Variants in BCO1 observed in about 807,000 individuals in gnomAD.
BCO1 encodes the protein beta,beta-carotene 15,15'-dioxygenase.
BCO1 carries 54 observed loss-of-function variants against 56.3 expected under a neutral mutation model. The observed-to-expected ratio is 0.96, with a 90% CI of 0.77 to 1.20. The LOEUF is 1.20. Among genes scored for constraint, BCO1 ranks in the 50% most tolerant of loss-of-function variants. The pLI is 0.00. For synonymous variants in BCO1, 318 were observed against 266.1 expected (o/e 1.20, Z -1.90); for missense variants, 801 against 690.9 (o/e 1.16, Z -1.79).
chr16:81,270,857 G>A (rs1907164935), intron 7 of BCO1, among the ~76,000 whole-genome samples: 1 of 151,828 alleles, frequency 6.6e-6, no homozygotes, highest in South Asian at 2.1e-4. Flanking sequence ...CCATTCTCCT[G>A]CCTCAGCCTC....
At chr16:81,275,251 C>T (rs1907482387) in intron 7 of BCO1, among the ~76,000 whole-genome samples, 1 of 152,224 alleles carries the variant, frequency 6.6e-6, no homozygotes, top group Non-Finnish European at 1.5e-5. Flanking sequence ...ACCCTGTCCT[C>T]CTGGGCTGAC....
intron 6 of BCO1, 57 bp from the exon 7 acceptor site, chr16:81,270,102 C>T (rs1907089653): frequency 6.2e-7 from 1 of 1,609,320 alleles, no homozygotes; most frequent in South Asian, 1.1e-5. Flanking sequence ...CCCCCAGATG[C>T]CACAGTGCCA....
intron 7 of BCO1, among the ~76,000 whole-genome samples, chr16:81,279,837 T>C (rs1371875219): frequency 6.6e-6 from 1 of 152,190 alleles, no homozygotes; most frequent in Non-Finnish European, 1.5e-5. Flanking sequence ...CACCAAATAA[T>C]TTTTATTGCA....
In BCO1 at chr16:81,255,493, A is replaced by AT. The variant is rs59941695; in HGVS notation, c.194-4174dup. On this transcript the variant is annotated intron_variant, in intron 2 of 10. Coordinates refer to ENST00000258168, the MANE Select transcript of BCO1 (RefSeq NM_017429.3). ...ATTAATTAACAAATGACATTATGTTATTTTTTTTTATTTTTTATTTTTTTG... is the reference window on the plus strand; with the variant it reads ...ATTAATTAACAAATGACATTATGTTATTTTTTTTTTATTTTTTATTTTTTTG... Among the ~76,000 whole-genome samples the AT allele has an allele frequency of 7.3e-4, 110 of 151,116 alleles. No individual in the cohort carries two copies. In the Middle Eastern group the frequency reaches 0.01, roughly 14 times the overall value.
At chr16:81,262,922 C>G (rs993493472) in intron 4 of BCO1, 7 of 155,852 alleles carry the variant, frequency 4.5e-5, no homozygotes, top group Non-Finnish European at 9.9e-5. Flanking sequence ...AAGTCTGAAA[C>G]CAAGGTGTCA....
intron 3 of BCO1, among the ~76,000 whole-genome samples, chr16:81,260,638 A>C (rs900065847): frequency 1.3e-5 from 2 of 152,080 alleles, no homozygotes; most frequent in Non-Finnish European, 1.5e-5. Context: ...CCTCCCAAGT[A>C]GCTGGGATTA....
Position 81,290,452 on chromosome 16 carries a change from G to A in BCO1, c.1519G>A (p.Val507Ile), listed in dbSNP as rs1567469166. The change falls in exon 11 of 11, where the codon GTC (valine) becomes ATC (isoleucine). Residue 507 changes from valine to isoleucine, a missense_variant. Val to Ile is a conservative substitution (Grantham distance 29, BLOSUM62 3). Coordinates refer to ENST00000258168, the MANE Select transcript of BCO1 (RefSeq NM_017429.3). The part of the protein sequence containing the change: ...FTELARASVD[V>I]DMHMDLHGLF... ...GGAATTGGCCCGTGCCTCTGTTGAT[G>A]TCGATATGCACATGGATCTCCATGG... The A allele has an allele frequency of 6.2e-7, 1 of 1,614,176 alleles. No homozygotes were observed. Among genetic ancestry groups the A allele is most frequent in the East Asian group, 2.2e-5 (1 of 44,882 alleles).
intron 1 of BCO1, among the ~76,000 whole-genome samples, chr16:81,239,552 C>G (rs985062543): frequency 6.6e-6 from 1 of 152,156 alleles, no homozygotes; most frequent in Non-Finnish European, 1.5e-5. Flanking sequence ...TGGGATTAAT[C>G]TGCAAACTGC....
chr16:81,270,399 C>A lies in BCO1; in HGVS notation c.1084C>A (p.Pro362Thr). The A allele has an allele frequency of 1.9e-6, 3 of 1,614,040 alleles. No homozygotes were observed. The highest frequency in any genetic ancestry group is 2.5e-6 in the Non-Finnish European group (3 of 1,180,000). The change falls in exon 7 of 11, where the codon CCC becomes ACC. Residue 362 changes from proline (P) to threonine (T), a missense_variant. Physicochemically the swap from Pro to Thr is conservative, Grantham distance 38 (BLOSUM62 -1). Transcript: ENST00000258168. ...CCCCACCCTCAGGAGGTTTGCCGTG[C>A]CCCTCCACGTGGACAAGGTAATGGC... Reference protein sequence around the residue: ...SVPTLRRFAVPLHVDKNAEVG... With the variant: ...SVPTLRRFAVTLHVDKNAEVG...
At chr16:81,245,849 CTT>C (rs1176582576) in intron 2 of BCO1, among the ~76,000 whole-genome samples, 5 of 93,392 alleles carry the variant, frequency 5.4e-5, no homozygotes, top group South Asian at 4.8e-4. Context: ...CCATCTCTGT[CTT>C]TTTTTTTTTT....
intron 7 of BCO1, among the ~76,000 whole-genome samples, chr16:81,280,360 A>G (rs1907810236): frequency 7.1e-6 from 1 of 140,304 alleles, no homozygotes; most frequent in South Asian, 2.3e-4. Flanking sequence ...CATTTAGTAT[A>G]TTTCTCTGTC....
At chr16:81,249,963 A>G (rs1209038408) in intron 2 of BCO1, among the ~76,000 whole-genome samples, 6 of 152,138 alleles carry the variant, frequency 3.9e-5, no homozygotes, top group Admixed American at 6.5e-5. Context: ...GAAACTGTAT[A>G]TGGAGCTGAG....
At chr16:81,271,811 G>A (rs1907234527) in intron 7 of BCO1, among the ~76,000 whole-genome samples, 1 of 152,062 alleles carries the variant, frequency 6.6e-6, no homozygotes, top group African/African-American at 2.4e-5. Flanking sequence ...GTGCAGTGGT[G>A]TAATCTCGGC....
rs574951432 is a variant in BCO1, at chr16:81,274,500, G to A, written c.1101+4084G>A. Among the ~76,000 whole-genome samples the A allele has an allele frequency of 1.1e-3, 162 of 152,194 alleles. 1 individual carries two copies. The highest frequency in any genetic ancestry group is 3.8e-3 in the African/African-American group (157 of 41,580). The stretch of plus-strand genomic sequence containing the variant: ...AGGATGGTCTCGATCTTCTGACCTC[G>A]TGATCCGCCTGCCTCAGCCTTCCAA... On this transcript the variant is annotated intron_variant, in intron 7 of 10. Transcript: ENST00000258168.
chr16:81,258,670 T>G (rs764419611), intron 2 of BCO1, among the ~76,000 whole-genome samples: 2 of 152,228 alleles, frequency 1.3e-5, no homozygotes, highest in Non-Finnish European at 2.9e-5. Flanking sequence ...GAAAGAATGT[T>G]TCTGAGCCTG....
chr16:81,264,568 C>T, intron 4 of BCO1, 72 bp from the exon 5 acceptor site: 2 of 1,565,548 alleles, frequency 1.3e-6, no homozygotes, highest in Non-Finnish European at 1.8e-6. Flanking sequence ...CTTTGAAAAA[C>T]CAGATGATGT....
intron 2 of BCO1, among the ~76,000 whole-genome samples, chr16:81,249,429 T>C (rs1264847732): frequency 6.6e-6 from 1 of 152,156 alleles, no homozygotes; most frequent in Non-Finnish European, 1.5e-5. Flanking sequence ...GCTAATTTTT[T>C]GTATTTTTAG....
intron 2 of BCO1, among the ~76,000 whole-genome samples, chr16:81,259,060 A>G (rs1055903928): frequency 3.9e-5 from 6 of 152,156 alleles, no homozygotes; most frequent in African/African-American, 1.4e-4. Context: ...CACCCCCATC[A>G]CCCAGACACC....
At chr16:81,244,347 A>G (rs1361221882) in intron 1 of BCO1, among the ~76,000 whole-genome samples, 4 of 152,066 alleles carry the variant, frequency 2.6e-5, no homozygotes, top group Non-Finnish European at 4.4e-5. Context: ...AAATTATTTC[A>G]GTGGTATATT....
Sources: allele counts gnomAD v4.1 joint callset (sites outside exome capture counted in the v4.1 genomes callset), GRCh38; gene constraint gnomAD v4.1.1; transcripts MANE v1.5; gene names NCBI Gene and HGNC (gene_info 2026-07-23, HGNC 2026-07-21).